The following EFCAB3 variants were observed in gnomAD, a reference collection of about 807,000 sequenced individuals.
The protein encoded by EFCAB3 is EF-hand calcium binding domain 3.
In EFCAB3, 36 loss-of-function variants were observed where a neutral mutation model predicts 42.2. The ratio of observed to expected loss-of-function variants is 0.85; its 90% confidence interval spans 0.65 to 1.13. The LOEUF is 1.13. EFCAB3 is among the 50% of genes most tolerant of loss of function. The pLI, the probability that EFCAB3 is intolerant of heterozygous loss-of-function variation, is 0.00. For synonymous variants in EFCAB3, 170 were observed against 172.8 expected (o/e 0.98, Z 0.13); for missense variants, 418 against 505.1 (o/e 0.83, Z 1.65).
At chr17:62,401,572 C>T (rs2070403368) in intron 6 of EFCAB3, among the ~76,000 whole-genome samples, 1 of 152,268 alleles carries the variant, frequency 6.6e-6, no homozygotes. Flanking sequence ...TTGTTTTTGT[C>T]AGTTTTGTCA....
At chr17:62,380,759 T>A in intron 1 of EFCAB3, 146 bp downstream of exon 1, 1 of 269,590 alleles carries the variant, frequency 3.7e-6, no homozygotes, top group Non-Finnish European at 5.7e-6. Context: ...CCTGAATTGT[T>A]GAGCCATTCT....
At chr17:62,376,694 T>C (rs903881464), upstream of EFCAB3, among the ~76,000 whole-genome samples, 1 of 152,182 alleles carries the variant, frequency 6.6e-6, no homozygotes, top group Non-Finnish European at 1.5e-5. Context: ...AAAGGTGAAT[T>C]TCAGCTACCT....
Position 62,407,050 on chromosome 17 carries a change from C to A in EFCAB3, c.705C>A (p.Ser235Arg). The A allele has an allele frequency of 6.3e-7, 1 of 1,592,308 alleles. No individual in the cohort carries two copies. Among genetic ancestry groups the A allele is most frequent in the Non-Finnish European group, 8.5e-7 (1 of 1,173,550 alleles). The change falls in exon 8 of 10, where the codon AGC becomes AGA. Residue 235 changes from serine (S) to arginine (R), a missense_variant. Coordinates refer to ENST00000305286, the MANE Select transcript of EFCAB3 (RefSeq NM_173503.4). ...TAGGATGCAATTCCGGTTCAGATAGCCCATATTCAAAAATACCCATCTTTC... is the reference window on the plus strand; with the variant it reads ...TAGGATGCAATTCCGGTTCAGATAGACCATATTCAAAAATACCCATCTTTC... The part of the protein sequence containing the change: ...ELKRCNSGSD[S>R]PYSKIPIFPL...
upstream of EFCAB3, among the ~76,000 whole-genome samples, chr17:62,377,138 A>G (rs1336924590): frequency 9.9e-5 from 15 of 152,184 alleles, no homozygotes; most frequent in African/African-American, 2.9e-4. Flanking sequence ...TATGTGTTTC[A>G]TATTAGAATT....
rs867125003 is a variant in EFCAB3, at chr17:62,415,853, T to G, written c.991-150T>G. 2 of 647,968 alleles carry G rather than the reference T, an allele frequency of 3.1e-6. 1 individual carries two copies. Among genetic ancestry groups the G allele is most frequent in the Middle Eastern group, 7.6e-4 (2 of 2,622 alleles). 40.1% of individuals were successfully genotyped at this position (647,968 alleles called of 1,614,324 possible). On this transcript the variant is annotated intron_variant, in intron 9 of 9. Coordinates refer to ENST00000305286, the MANE Select transcript of EFCAB3 (RefSeq NM_173503.4). ...TTTTGATTGTCCATCACCTCCTAGC[T>G]CACACGTCCTCACGAGGCACCACCT...
chr17:62,410,265 T>C (rs1232385390), intron 8 of EFCAB3, among the ~76,000 whole-genome samples: 1 of 152,134 alleles, frequency 6.6e-6, no homozygotes, highest in African/African-American at 2.4e-5. Context: ...CTCATGCCTA[T>C]AATCCCAGCA....
At chr17:62,380,755 T>G (rs1484421994) in intron 1 of EFCAB3, 142 bp downstream of exon 1, 1 of 280,600 alleles carries the variant, frequency 3.6e-6, no homozygotes, top group Non-Finnish European at 5.4e-6. Context: ...AATGCCTGAA[T>G]TGTTGAGCCA....
chr17:62,416,131 C>T lies in EFCAB3; in HGVS notation c.1119C>T (p.Asp373=), dbSNP rs766481944. The T allele has an allele frequency of 4.3e-6, 7 of 1,613,856 alleles. No homozygotes were observed. The African/African-American group carries it at 9.3e-5, about 22-fold the overall frequency. The part of the protein sequence containing the change: ...GMDSRNESFY[D]TFSTYTWSWN... ...ACTCTAGAAATGAGTCCTTTTATGA[C>T]ACCTTTTCTACTTATACATGGTCCT... The change falls in exon 10 of 10, where the codon GAC becomes GAT. Residue 373 remains aspartate, a synonymous_variant. Coordinates refer to ENST00000305286, the MANE Select transcript of EFCAB3 (RefSeq NM_173503.4).
chr17:62,375,033 G>A (rs566347557), intron 2 of EFCAB3, among the ~76,000 whole-genome samples: 4 of 152,282 alleles, frequency 2.6e-5, no homozygotes, highest in Admixed American at 2.0e-4. Flanking sequence ...AGAATTGCTC[G>A]AGCCCAGGAG....
intron 1 of EFCAB3, among the ~76,000 whole-genome samples, chr17:62,372,557 C>T (rs901238628): frequency 0.19 from 12 of 64 alleles, no homozygotes; most frequent in Non-Finnish European, 0.25. Context: ...GCTGGAATTA[C>T]AGGCGTGACC....
intron 4 of EFCAB3, among the ~76,000 whole-genome samples, chr17:62,392,653 T>C (rs937622274): frequency 2.6e-5 from 4 of 151,988 alleles, no homozygotes; most frequent in African/African-American, 4.8e-5. Flanking sequence ...TTTTTTTTTG[T>C]TTGAGACGGA....
intron 1 of EFCAB3, among the ~76,000 whole-genome samples, chr17:62,370,925 A>C (rs2070110043): frequency 7.1e-6 from 1 of 141,304 alleles, no homozygotes; most frequent in African/African-American, 2.8e-5. Context: ...CTGTCTCTAC[A>C]AAAAAAAAAA....
intron 4 of EFCAB3, 113 bp from the exon 5 acceptor site, chr17:62,393,460 G>T (rs900542653): frequency 1.2e-5 from 10 of 822,174 alleles, no homozygotes; most frequent in Admixed American, 2.7e-5. Flanking sequence ...GCCCTCAAAT[G>T]CTCTGTTTTT....
At chr17:62,415,808 C>A (rs2070542056) in intron 9 of EFCAB3, among the ~76,000 whole-genome samples, 195 bp from the exon 10 acceptor site, 1 of 152,182 alleles carries the variant, frequency 6.6e-6, no homozygotes, top group African/African-American at 2.4e-5. Context: ...CTTATTACCT[C>A]ATTATTCCCA....
chr17:62,387,773 C>T (rs1183579509), intron 3 of EFCAB3, among the ~76,000 whole-genome samples: 2 of 152,186 alleles, frequency 1.3e-5, no homozygotes, highest in Non-Finnish European at 2.9e-5. Flanking sequence ...ATAAAATGAG[C>T]TACACTGGCT....
At chr17:62,393,528 A>G (rs184476573) in intron 4 of EFCAB3, 45 bp from the exon 5 acceptor site, 16 of 1,437,782 alleles carry the variant, frequency 1.1e-5, no homozygotes, top group East Asian at 9.1e-5. Context: ...TCTGATAATT[A>G]AAATACATCT....
At chr17:62,393,718 C>A in intron 5 of EFCAB3, 74 bp downstream of exon 5, 1 of 1,339,340 alleles carries the variant, frequency 7.5e-7, no homozygotes, top group Non-Finnish European at 1.1e-6. Flanking sequence ...CATTCACAGG[C>A]TTCCAGTCGG....
At chr17:62,398,702 TACACACACACAC>T (rs138374505) in intron 6 of EFCAB3, among the ~76,000 whole-genome samples, 1 of 148,794 alleles carries the variant, frequency 6.7e-6, no homozygotes, top group Admixed American at 6.7e-5. Context: ...ATTATATATG[TACACACACACAC>T]ACACACACAT....
At chr17:62,392,015 T>C (rs1303691068) in intron 4 of EFCAB3, 50 bp downstream of exon 4, 2 of 1,544,306 alleles carry the variant, frequency 1.3e-6, no homozygotes, top group Non-Finnish European at 1.7e-6. Context: ...TTTTTGTGAA[T>C]ATATAGTTTT....
Sources: allele counts gnomAD v4.1 joint callset (sites outside exome capture counted in the v4.1 genomes callset), GRCh38; gene constraint gnomAD v4.1.1; transcripts MANE v1.5; gene names NCBI Gene and HGNC (gene_info 2026-07-23, HGNC 2026-07-21).